EDA: variants seen among roughly 807,000 people sequenced by gnomAD.
The protein encoded by EDA is ectodysplasin-A.
Under a neutral mutation model 23.6 loss-of-function variants are expected in EDA, and 2 were observed. The observed-to-expected ratio is 0.08, with a 90% confidence interval of 0.03 to 0.27. EDA has a LOEUF of 0.27. Among genes scored for constraint, EDA ranks in the 10% least tolerant of loss-of-function variants. EDA has a pLI of 1.00. For missense variants in EDA, 229 were observed against 324.2 expected (o/e 0.71, Z 2.26); for synonymous variants, 131 against 132.0 (o/e 0.99, Z 0.05).
At chrX:69,980,015 A>G (rs1417554955) in intron 2 of EDA, among the ~76,000 whole-genome samples, 1 of 111,027 alleles carries the variant, frequency 9.0e-6, no homozygotes. Context: ...TTACTGAGAA[A>G]ACTTAGAAAA....
chrX:69,818,749 C>T (rs1034658775), intron 1 of EDA, among the ~76,000 whole-genome samples: 4 of 111,378 alleles, frequency 3.6e-5, no homozygotes, highest in Non-Finnish European at 7.5e-5. Flanking sequence ...AAAAAAAGCC[C>T]AGGACCAGAT....
At chrX:69,890,385 T>G (rs763777838) in intron 1 of EDA, among the ~76,000 whole-genome samples, 3 of 110,417 alleles carry the variant, frequency 2.7e-5, no homozygotes, top group Non-Finnish European at 5.7e-5. Flanking sequence ...ATTTTAAAAT[T>G]TATATGGAAC....
At position 69,838,584 on chromosome X, in the gene EDA, G is replaced by A. The variant is rs777053106; in HGVS notation, c.397-118443G>A. Among the ~76,000 whole-genome samples, 5 of 112,448 alleles carry A rather than the reference G, an allele frequency of 4.4e-5. No individual in the cohort carries two copies. The East Asian group carries it at 8.5e-4, about 19-fold the overall frequency. On this transcript the variant is annotated intron_variant, in intron 1 of 7. Transcript: ENST00000374552. ...GGTGCTTGCAGTGAGCCAAGATCGCGCCACTGCACTCCAGCCTGGGTGACA... is the reference window on the plus strand; with the variant it reads ...GGTGCTTGCAGTGAGCCAAGATCGCACCACTGCACTCCAGCCTGGGTGACA...
At chrX:70,028,072 T>A in intron 4 of EDA, 36 bp downstream of exon 4, 1 of 1,186,692 alleles carries the variant, frequency 8.4e-7, no homozygotes, top group Non-Finnish European at 1.1e-6. Flanking sequence ...ACCAGGTGCC[T>A]TTAAAGTACT....
At chrX:69,699,991 AGAG>A (rs778346664) in intron 1 of EDA, among the ~76,000 whole-genome samples, 20 of 110,881 alleles carry the variant, frequency 1.8e-4, no homozygotes, top group Non-Finnish European at 3.0e-4. Context: ...AGGAGGGACT[AGAG>A]GAGGGATATG....
At chrX:69,958,517 CAAA>C (rs34031076) in intron 2 of EDA, among the ~76,000 whole-genome samples, 1,253 of 87,177 alleles carry the variant, frequency 0.014, 12 homozygotes, top group Middle Eastern at 0.048. Context: ...ATAATAATAC[CAAA>C]AAAAAAAAAA....
intron 1 of EDA, among the ~76,000 whole-genome samples, chrX:69,702,478 T>TGGGAAGATGGC (rs2011561622): frequency 1.8e-5 from 2 of 109,886 alleles, no homozygotes; most frequent in Non-Finnish European, 3.8e-5. Context: ...GGGAAGATGG[T>TGGGAAGATGGC]GGCTGGGAAG....
intron 1 of EDA, among the ~76,000 whole-genome samples, chrX:69,802,724 G>A (rs1041035596): frequency 9.0e-6 from 1 of 111,029 alleles, no homozygotes. Context: ...TTAAAATCAT[G>A]GACAAACTGT....
At position 69,790,462 on chromosome X, in the gene EDA, T is replaced by C. The variant is rs1160851048; in HGVS notation, c.397-166565T>C. Among the ~76,000 whole-genome samples, 3 of 111,478 alleles carry C rather than the reference T, an allele frequency of 2.7e-5. No homozygotes were observed. The Admixed American group carries it at 2.9e-4, about 11-fold the overall frequency. On this transcript the variant is annotated intron_variant, in intron 1 of 7. Transcript: ENST00000374552. ...TAATCTTAGTTCAATGGATAGCAAA[T>C]TAATCAGGAAAGAATATTCAGTGTG...
intron 2 of EDA, among the ~76,000 whole-genome samples, chrX:70,015,325 C>T (rs753252132): frequency 1.8e-5 from 2 of 111,988 alleles, no homozygotes; most frequent in African/African-American, 3.2e-5. Flanking sequence ...GTAATCTCAG[C>T]GCTTTGGGAG....
intron 1 of EDA, among the ~76,000 whole-genome samples, chrX:69,916,972 G>T (rs1379454102): frequency 9.1e-6 from 1 of 110,401 alleles, no homozygotes; most frequent in Non-Finnish European, 1.9e-5. Context: ...GTCTTGCTCT[G>T]TCACCCAGGC....
chrX:69,860,201 T>C (rs773118085), intron 1 of EDA, among the ~76,000 whole-genome samples: 2 of 111,455 alleles, frequency 1.8e-5, no homozygotes, highest in South Asian at 7.6e-4. Flanking sequence ...CTGTGTCTTT[T>C]AATTGGGGTG....
At chrX:70,002,873 T>C (rs1043916884) in intron 2 of EDA, among the ~76,000 whole-genome samples, 1 of 112,057 alleles carries the variant, frequency 8.9e-6, no homozygotes. Context: ...GTGACAATTA[T>C]GGGGTCAAGG....
intron 1 of EDA, among the ~76,000 whole-genome samples, chrX:69,770,216 A>G (rs2014588560): frequency 8.9e-6 from 1 of 112,131 alleles, no homozygotes; most frequent in Non-Finnish European, 1.9e-5. Flanking sequence ...AGGTTTTTGC[A>G]TAAATATAAG....
At chrX:69,982,314 T>G (rs1189746589) in intron 2 of EDA, among the ~76,000 whole-genome samples, 1 of 111,337 alleles carries the variant, frequency 9.0e-6, no homozygotes, top group Non-Finnish European at 1.9e-5. Context: ...GAACAAAGTT[T>G]CCCTGCCGCT....
intron 1 of EDA, among the ~76,000 whole-genome samples, chrX:69,833,457 G>T (rs2016676731): frequency 9.2e-6 from 1 of 108,731 alleles, no homozygotes; most frequent in African/African-American, 3.4e-5. Flanking sequence ...TTATTGAGGA[G>T]TTTTGCATCA....
intron 1 of EDA, among the ~76,000 whole-genome samples, chrX:69,915,199 G>C (rs138141801): frequency 4.8e-4 from 53 of 111,507 alleles, no homozygotes; most frequent in African/African-American, 1.6e-3. Context: ...TTTCCCATTT[G>C]TTGTAGCCTT....
intron 1 of EDA, among the ~76,000 whole-genome samples, chrX:69,876,446 T>C (rs1569362086): frequency 9.1e-6 from 1 of 110,329 alleles, no homozygotes; most frequent in Non-Finnish European, 1.9e-5. Flanking sequence ...TAAAAAATAA[T>C]AAAAAAAGAA....
In EDA at chrX:69,665,637, C is replaced by T. The variant is rs185166121; in HGVS notation, c.396+48933C>T. Reference sequence around the variant, plus strand: ...GTATATGTTTGGATTTTTTCCTGGGCGCTCTATTCTGTTTCACTGGTCTAT... The same window carrying T: ...GTATATGTTTGGATTTTTTCCTGGGTGCTCTATTCTGTTTCACTGGTCTAT... On this transcript the variant is annotated intron_variant, in intron 1 of 7. Coordinates refer to ENST00000374552, the MANE Select transcript of EDA (RefSeq NM_001399.5). Among the ~76,000 whole-genome samples the T allele has an allele frequency of 1.3e-3, 149 of 110,850 alleles. 2 individuals are homozygous for T. Among genetic ancestry groups the T allele is most frequent in the Admixed American group, 0.013 (134 of 10,305 alleles).
Sources: gnomAD v4.1 joint callset for allele counts (sites outside exome capture counted in the v4.1 genomes callset) on GRCh38, gnomAD v4.1.1 for gene constraint, MANE v1.5 for transcripts, NCBI Gene and HGNC (gene_info 2026-07-23, HGNC 2026-07-21) for gene names.